GNAO1: variants seen among roughly 807,000 people sequenced by gnomAD.
GNAO1 encodes the protein guanine nucleotide-binding protein G(o) subunit alpha.
For synonymous variants in GNAO1, 164 were observed against 180.7 expected (o/e 0.91, Z 0.74); for missense variants, 166 against 478.7 (o/e 0.35, Z 6.10).
At chr16:56,289,177 A>AG (rs1382862167) in intron 3 of GNAO1, among the ~76,000 whole-genome samples, 1 of 152,190 alleles carries the variant, frequency 6.6e-6, no homozygotes, top group Non-Finnish European at 1.5e-5. Flanking sequence ...GCCTAGCAGG[A>AG]GGGGCAGCCT....
intron 3 of GNAO1, among the ~76,000 whole-genome samples, chr16:56,314,358 C>T (rs1416170131): frequency 2.6e-5 from 4 of 152,142 alleles, no homozygotes; most frequent in Non-Finnish European, 5.9e-5. Flanking sequence ...TACTGCTTGC[C>T]GCTCAGGCTT....
At chr16:56,331,910 C>T (rs1402219356) in intron 4 of GNAO1, among the ~76,000 whole-genome samples, 1 of 152,202 alleles carries the variant, frequency 6.6e-6, no homozygotes, top group African/African-American at 2.4e-5. Context: ...CTAGAAGCTG[C>T]TCTGTGTGCT....
chr16:56,309,365 G>A (rs1179454519), intron 3 of GNAO1, among the ~76,000 whole-genome samples: 2 of 152,300 alleles, frequency 1.3e-5, no homozygotes, highest in South Asian at 2.1e-4. Context: ...ATAGGAGGAG[G>A]TAGGGACAGA....
chr16:56,212,213 A>G (rs1263229447), intron 2 of GNAO1, among the ~76,000 whole-genome samples: 2 of 152,226 alleles, frequency 1.3e-5, no homozygotes, highest in African/African-American at 4.8e-5. Context: ...GACATTTACA[A>G]AAGAAAGTAG....
intron 4 of GNAO1, among the ~76,000 whole-genome samples, chr16:56,330,989 A>G (rs1269701590): frequency 6.6e-6 from 1 of 152,248 alleles, no homozygotes; most frequent in African/African-American, 2.4e-5. Flanking sequence ...AGGGCCTGGC[A>G]CATTTCCTGT....
chr16:56,279,153 C>T (rs2143529063), intron 3 of GNAO1, among the ~76,000 whole-genome samples: 1 of 152,250 alleles, frequency 6.6e-6, no homozygotes, highest in East Asian at 1.9e-4. Flanking sequence ...GCCTTGCACT[C>T]TCCACACAGA....
intron 3 of GNAO1, among the ~76,000 whole-genome samples, chr16:56,278,164 G>C (rs1461741628): frequency 1.3e-5 from 2 of 152,216 alleles, no homozygotes; most frequent in Non-Finnish European, 2.9e-5. Context: ...AGGAAGGAGG[G>C]GAAGGCTCCA....
intron 2 of GNAO1, among the ~76,000 whole-genome samples, chr16:56,206,321 A>AT (rs1353193499): frequency 1.4e-5 from 2 of 141,688 alleles, no homozygotes; most frequent in East Asian, 2.0e-4. Flanking sequence ...CTCCATCTCA[A>AT]TTTAAAAAAA....
intron 2 of GNAO1, among the ~76,000 whole-genome samples, chr16:56,246,694 A>G (rs2036747953): frequency 6.6e-6 from 1 of 152,150 alleles, no homozygotes; most frequent in African/African-American, 2.4e-5. Context: ...CTGTGTGTCC[A>G]TGTTCCCCGT....
intron 2 of GNAO1, chr16:56,235,085 A>G (rs1567448732): frequency 3.0e-6 from 1 of 334,934 alleles, no homozygotes; most frequent in Non-Finnish European, 5.9e-6. Context: ...TGACCAGACA[A>G]AGATGCTTAG....
chr16:56,196,038 G>A (rs1283941635), intron 2 of GNAO1, among the ~76,000 whole-genome samples: 4 of 152,058 alleles, frequency 2.6e-5, no homozygotes, highest in African/African-American at 4.8e-5. Flanking sequence ...AAGGGGAAAC[G>A]TGCATCTGCT....
chr16:56,280,047 G>T (rs1317591637), intron 3 of GNAO1, among the ~76,000 whole-genome samples: 5 of 152,212 alleles, frequency 3.3e-5, no homozygotes, highest in African/African-American at 1.2e-4. Context: ...CTGTAACTTT[G>T]TCACTACATC....
At chr16:56,209,705 C>T (rs533379506) in intron 2 of GNAO1, among the ~76,000 whole-genome samples, 113 of 152,166 alleles carry the variant, frequency 7.4e-4, no homozygotes, top group South Asian at 2.1e-3. Flanking sequence ...TAACTAGATA[C>T]TTAATGTTTA....
At chr16:56,327,047 A>G (rs1174398839) in intron 3 of GNAO1, among the ~76,000 whole-genome samples, 4 of 151,992 alleles carry the variant, frequency 2.6e-5, no homozygotes, top group Non-Finnish European at 5.9e-5. Flanking sequence ...GTGGCCCTCA[A>G]TTTCCCCACT....
At chr16:56,280,302 C>T (rs2037102363) in intron 3 of GNAO1, among the ~76,000 whole-genome samples, 1 of 152,112 alleles carries the variant, frequency 6.6e-6, no homozygotes, top group Admixed American at 6.5e-5. Flanking sequence ...TGAGCAAAGG[C>T]CCTTGAAGCC....
At chr16:56,339,179 T>TG (rs1218821315) in intron 6 of GNAO1, among the ~76,000 whole-genome samples, 4 of 152,216 alleles carry the variant, frequency 2.6e-5, no homozygotes, top group African/African-American at 9.6e-5. Context: ...CGCCGTGCGC[T>TG]GGGGGCGCAT....
At chr16:56,350,307 C>G (rs531123399) in intron 6 of GNAO1, among the ~76,000 whole-genome samples, 2 of 152,152 alleles carry the variant, frequency 1.3e-5, no homozygotes, top group Non-Finnish European at 2.9e-5. Context: ...ATCCAGAGAG[C>G]TGGGTTTACA....
At chr16:56,257,866 G>A (rs1170839383) in intron 2 of GNAO1, among the ~76,000 whole-genome samples, 1 of 152,216 alleles carries the variant, frequency 6.6e-6, no homozygotes, top group East Asian at 1.9e-4. Flanking sequence ...ACACCTGATG[G>A]GGCGTGTGGA....
At chr16:56,282,936 A>T (rs1197861394) in intron 3 of GNAO1, among the ~76,000 whole-genome samples, 1 of 145,660 alleles carries the variant, frequency 6.9e-6, no homozygotes, top group Non-Finnish European at 1.5e-5. Context: ...CCTCAGGAAG[A>T]AATTGAGAAG....
Sources: allele counts gnomAD v4.1 joint callset (sites outside exome capture counted in the v4.1 genomes callset), GRCh38; gene constraint gnomAD v4.1.1; transcripts MANE v1.5; gene names NCBI Gene and HGNC (gene_info 2026-07-23, HGNC 2026-07-21).